JAKMIP1: variants seen among roughly 807,000 people sequenced by gnomAD.
JAKMIP1 encodes the protein janus kinase and microtubule-interacting protein 1.
In JAKMIP1, 33 loss-of-function variants were observed where a neutral mutation model predicts 113.0. That is an observed-to-expected ratio of 0.29 (90% confidence interval 0.22 to 0.39). The LOEUF is 0.39. JAKMIP1 is among the 10% of genes least tolerant of loss of function. JAKMIP1 has a pLI of 1.00. For missense variants in JAKMIP1, 813 were observed against 1,080.5 expected (o/e 0.75, Z 3.47); for synonymous variants, 480 against 459.9 (o/e 1.04, Z -0.56).
chr4:6,174,083 C>T (rs1463523521), intron 1 of JAKMIP1, among the ~76,000 whole-genome samples: 1 of 152,200 alleles, frequency 6.6e-6, no homozygotes, highest in Non-Finnish European at 1.5e-5. Flanking sequence ...TACATACATA[C>T]ATAAAATCAC....
chr4:6,196,193 G>C (rs1727810544), intron 1 of JAKMIP1, among the ~76,000 whole-genome samples: 2 of 152,176 alleles, frequency 1.3e-5, no homozygotes, highest in Admixed American at 1.3e-4. Context: ...TTTCCAGTAT[G>C]AGGTTGGTGC....
intron 1 of JAKMIP1, among the ~76,000 whole-genome samples, chr4:6,119,001 C>G (rs1020075046): frequency 2.6e-5 from 4 of 152,090 alleles, no homozygotes; most frequent in Non-Finnish European, 5.9e-5. Flanking sequence ...GAGGAGAAGC[C>G]CAAGCGAAGT....
rs984338315 is a variant in JAKMIP1, at chr4:6,199,828, G to A, written c.-148+425C>T. Reference sequence around the variant, plus strand: ...ACCCTGCGGAAGACACGGAGGGGACGGGCCGGCCACACCCCCCGCGCCACT... The same window carrying A: ...ACCCTGCGGAAGACACGGAGGGGACAGGCCGGCCACACCCCCCGCGCCACT... On this transcript the variant is annotated intron_variant, in intron 1 of 20. Coordinates refer to ENST00000409021, the MANE Select transcript of JAKMIP1 (RefSeq NM_001099433.2). This position sits in a 1 kb window ranked among gnomAD's most constrained non-coding sequence, Gnocchi z 5.6. Among the ~76,000 whole-genome samples, 1 of 151,634 alleles carries A rather than the reference G, an allele frequency of 6.6e-6. No individual in the cohort carries two copies. Among genetic ancestry groups the A allele is most frequent in the South Asian group, 2.1e-4 (1 of 4,816 alleles).
At chr4:6,073,018 G>A (rs1280264026) in intron 8 of JAKMIP1, among the ~76,000 whole-genome samples, 1 of 150,378 alleles carries the variant, frequency 6.6e-6, no homozygotes, top group African/African-American at 2.5e-5. Context: ...AGGTTGCCGT[G>A]AGCTGAGCTC....
Position 6,143,003 on chromosome 4 carries a change from G to A in JAKMIP1, c.-147-30006C>T, listed in dbSNP as rs763224434. ...TCAATATGAAAAGAAAAACTGCCTC[G>A]ATGCCTTCTGGGGGCAGCCTGGTGG... On this transcript the variant is annotated intron_variant, in intron 1 of 20. Coordinates refer to ENST00000409021, the MANE Select transcript of JAKMIP1 (RefSeq NM_001099433.2). This position sits in a 1 kb window ranked among gnomAD's most constrained non-coding sequence, Gnocchi z 4.9. 5.9e-5 allele frequency among the ~76,000 whole-genome samples: 9 copies of A among 152,026 alleles called. No homozygotes were observed. Among genetic ancestry groups the A allele is most frequent in the Non-Finnish European group, 8.8e-5 (6 of 68,018 alleles).
chr4:6,040,644 A>T lies in JAKMIP1; in HGVS notation c.2170T>A (p.Tyr724Asn). ...DYRKQALDQA[Y>N]LKIQDLEATL... is the part of the protein sequence containing the mutation. ...AAACCCACTTCTGGTCCTACCAGGTAAGCCTGGTCAAGGGCTTGCTTCCGG... is the reference window on the plus strand; with the variant it reads ...AAACCCACTTCTGGTCCTACCAGGTTAGCCTGGTCAAGGGCTTGCTTCCGG... The change falls in exon 18 of 21, where the codon TAC (tyrosine) becomes AAC (asparagine). Residue 724 changes from tyrosine to asparagine, a missense_variant. Around this residue, in one of 2 missense-constraint regions of JAKMIP1, gnomAD observed 273 missense variants for 426.6 expected, o/e 0.64. Coordinates refer to ENST00000409021, the MANE Select transcript of JAKMIP1 (RefSeq NM_001099433.2). The surrounding 1 kb of genome is among the most constrained non-coding windows in gnomAD (Gnocchi z 5.8). The T allele has an allele frequency of 1.2e-6, 2 of 1,610,514 alleles. No homozygotes were observed. The highest frequency in any genetic ancestry group is 4.5e-5 in the East Asian group (2 of 44,852).
chr4:6,036,177 T>C, intron 18 of JAKMIP1, 70 bp from the exon 19 acceptor site: 1 of 1,250,252 alleles, frequency 8.0e-7, no homozygotes, highest in African/African-American at 1.5e-5. Flanking sequence ...AGAAGGCTGC[T>C]GCCAGTGGAG....
chr4:6,184,325 C>G lies in JAKMIP1; in HGVS notation c.-148+15928G>C, dbSNP rs373854039. Among the ~76,000 whole-genome samples the G allele has an allele frequency of 6.4e-4, 98 of 152,270 alleles. 2 individuals carry two copies. In the East Asian group the frequency reaches 0.016, roughly 25 times the overall value. On this transcript the variant is annotated intron_variant, in intron 1 of 20. Coordinates refer to ENST00000409021, the MANE Select transcript of JAKMIP1 (RefSeq NM_001099433.2). The surrounding 1 kb of genome is among the most constrained non-coding windows in gnomAD (Gnocchi z 4.5). ...GAAGAACCGCTCCCAGGCACCACAG[C>G]CAGGAAGGGGGCATGCCTCGAACAC...
chr4:6,035,939 G>A lies in JAKMIP1; in HGVS notation c.2344C>T (p.Arg782Trp), dbSNP rs1323789211. ...TGCTGCAGCAGCTCCATGCGCTCCC[G>A]CAGGATCTGGCTGTCGAACTCGCGG... ...QSREFDSQIL[R>W]ERMELLQQAQ... The change falls in exon 19 of 21, where the codon CGG becomes TGG. Residue 782 changes from arginine (R) to tryptophan (W), a missense_variant. This residue lies in a region of JAKMIP1 where 273 missense variants were observed against 426.6 expected (regional missense o/e 0.64). Coordinates refer to ENST00000409021, the MANE Select transcript of JAKMIP1 (RefSeq NM_001099433.2). 1.9e-6 allele frequency: 3 copies of A among 1,551,222 alleles called. No individual in the cohort carries two copies. The highest frequency in any genetic ancestry group is 1.2e-5 in the South Asian group (1 of 84,058).
rs149913071 is a variant in JAKMIP1, at chr4:6,145,559, T to C, written c.-147-32562A>G. On this transcript the variant is annotated intron_variant, in intron 1 of 20. Transcript: ENST00000409021. ...GGTATATATTCAAAAGAATAAGAGCTGGGTCTTGAAGAGATATTTGTGCAC... is the reference window on the plus strand; with the variant it reads ...GGTATATATTCAAAAGAATAAGAGCCGGGTCTTGAAGAGATATTTGTGCAC... 2.7e-3 allele frequency among the ~76,000 whole-genome samples: 416 copies of C among 152,278 alleles called. 3 individuals are homozygous for C. The highest frequency in any genetic ancestry group is 9.7e-3 in the African/African-American group (403 of 41,548).
In JAKMIP1 at chr4:6,199,982, G is replaced by A. The variant is rs1160621740; in HGVS notation, c.-148+271C>T. 6.9e-6 allele frequency among the ~76,000 whole-genome samples: 1 copy of A among 144,232 alleles called. No individual in the cohort carries two copies. Among genetic ancestry groups the A allele is most frequent in the Non-Finnish European group, 1.5e-5 (1 of 65,414 alleles). 94.6% of individuals were successfully genotyped at this position (144,232 alleles called of 152,430 possible). On this transcript the variant is annotated intron_variant, in intron 1 of 20. Coordinates refer to ENST00000409021, the MANE Select transcript of JAKMIP1 (RefSeq NM_001099433.2). This position sits in a 1 kb window ranked among gnomAD's most constrained non-coding sequence, Gnocchi z 5.6. The stretch of plus-strand genomic sequence containing the variant: ...GCGGGACCGGGAGGGGGTGTTGGGG[G>A]AAGCGACGCAGCGGCTGGGAGATTT...
In JAKMIP1 at chr4:6,126,124, G is replaced by T. The variant is rs543397282; in HGVS notation, c.-147-13127C>A. On this transcript the variant is annotated intron_variant, in intron 1 of 20. Transcript: ENST00000409021. ...CACACACACAAACACACACCATGCA[G>T]AAACACACAAACACAAACACACACC... 6.8e-3 allele frequency among the ~76,000 whole-genome samples: 918 copies of T among 135,218 alleles called. 14 individuals carry two copies. The highest frequency in any genetic ancestry group is 0.025 in the African/African-American group (874 of 34,548). 88.7% of individuals were successfully genotyped at this position (135,218 alleles called of 152,430 possible).
In JAKMIP1 at chr4:6,105,960, T is replaced by C; in HGVS notation, c.137A>G (p.Lys46Arg). 1 of 1,591,586 alleles carries C rather than the reference T, an allele frequency of 6.3e-7. No homozygotes were observed. Among genetic ancestry groups the C allele is most frequent in the Non-Finnish European group, 8.6e-7 (1 of 1,168,278 alleles). The part of the protein sequence containing the change: ...EFQQEKSKVG[K>R]LRERLQEAKL... Reference sequence around the variant, plus strand: ...CGCCTCCTGCAGCCGCTCGCGCAGTTTGCCCACCTGCAGCCAGAGCGGCGA... The same window carrying C: ...CGCCTCCTGCAGCCGCTCGCGCAGTCTGCCCACCTGCAGCCAGAGCGGCGA... Residue 46 changes from lysine (K) to arginine (R), a missense_variant, in exon 3 of 21, where the codon AAA (lysine) becomes AGA (arginine). Physicochemically the swap from Lys to Arg is conservative, Grantham distance 26. Around this residue, in one of 2 missense-constraint regions of JAKMIP1, gnomAD observed 540 missense variants for 653.9 expected, o/e 0.83. Transcript: ENST00000409021.
In JAKMIP1 at chr4:6,105,656, C is replaced by A. The variant is rs755518009; in HGVS notation, c.441G>T (p.Glu147Asp). 1.9e-6 allele frequency: 3 copies of A among 1,600,578 alleles called. No individual in the cohort carries two copies. The Admixed American group carries it at 5.1e-5, about 27-fold the overall frequency. Residue 147 changes from glutamate to aspartate, a missense_variant, in exon 3 of 21, where the codon GAG (glutamate) becomes GAT (aspartate). Glu to Asp is a conservative substitution (Grantham distance 45). Around this residue, in one of 2 missense-constraint regions of JAKMIP1, gnomAD observed 540 missense variants for 653.9 expected, o/e 0.83. Coordinates refer to ENST00000409021, the MANE Select transcript of JAKMIP1 (RefSeq NM_001099433.2). ...REEARRAFDG[E>D]RLRLQQEILE... ...GGATCTCCTGCTGCAGCCGCAGGCG[C>A]TCTCCATCGAAGGCCCTGCGCGCCT...
At chr4:6,146,234 G>GA (rs1447670084) in intron 1 of JAKMIP1, among the ~76,000 whole-genome samples, 9 of 134,902 alleles carry the variant, frequency 6.7e-5, no homozygotes, top group African/African-American at 2.3e-4. Context: ...GGGGCTGGGG[G>GA]GAGGTTGCGG....
In JAKMIP1 at chr4:6,143,525, C is replaced by T. The variant is rs1360748778; in HGVS notation, c.-147-30528G>A. Among the ~76,000 whole-genome samples the T allele has an allele frequency of 6.6e-6, 1 of 152,218 alleles. No homozygotes were observed. Among genetic ancestry groups the T allele is most frequent in the Non-Finnish European group, 1.5e-5 (1 of 68,040 alleles). ...CCTGCTGGATCCGGCCTGGGTCCCA[C>T]CTGGCCTCTTTCAGTTATGCCTCCA... On this transcript the variant is annotated intron_variant, in intron 1 of 20. Coordinates refer to ENST00000409021, the MANE Select transcript of JAKMIP1 (RefSeq NM_001099433.2). The surrounding 1 kb of genome is among the most constrained non-coding windows in gnomAD (Gnocchi z 4.9).
rs1179983619 is a variant in JAKMIP1 at position 6,040,659 on chromosome 4, C to T, written c.2155G>A (p.Ala719Thr). 3 of 1,613,402 alleles carry T rather than the reference C, an allele frequency of 1.9e-6. No individual in the cohort carries two copies. The highest frequency in any genetic ancestry group is 1.7e-5 in the Admixed American group (1 of 59,910). Residue 719 changes from alanine (A) to threonine (T), a missense_variant, in exon 18 of 21, where the codon GCC (alanine) becomes ACC (threonine). Coordinates refer to ENST00000409021, the MANE Select transcript of JAKMIP1 (RefSeq NM_001099433.2). This position sits in a 1 kb window ranked among gnomAD's most constrained non-coding sequence, Gnocchi z 5.8. ...LEEELDYRKQ[A>T]LDQAYLKIQD... ...CCTACCAGGTAAGCCTGGTCAAGGG[C>T]TTGCTTCCGGTAGTCGAGCTCCTCT...
rs1463046333 is a variant in JAKMIP1, at chr4:6,176,337, C to T, written c.-148+23916G>A. ...GACAGTGTTTAGGCTGTGTCCTGGT[C>T]TGGTGGGGTATGAAGATCCCTGAGG... On this transcript the variant is annotated intron_variant, in intron 1 of 20. Coordinates refer to ENST00000409021, the MANE Select transcript of JAKMIP1 (RefSeq NM_001099433.2). The surrounding 1 kb of genome is among the most constrained non-coding windows in gnomAD (Gnocchi z 5.5). Among the ~76,000 whole-genome samples, 3 of 152,170 alleles carry T rather than the reference C, an allele frequency of 2.0e-5. No individual in the cohort carries two copies. Among genetic ancestry groups the T allele is most frequent in the African/African-American group, 7.2e-5 (3 of 41,436 alleles).
chr4:6,026,346 T>C, intron 20 of JAKMIP1, 68 bp from the exon 21 acceptor site: 2 of 808,892 alleles, frequency 2.5e-6, no homozygotes, highest in South Asian at 3.2e-5. Flanking sequence ...ATGTAAGATA[T>C]GTAGTATGGA....
Sources: gnomAD v4.1 joint callset for allele counts (sites outside exome capture counted in the v4.1 genomes callset) on GRCh38, gnomAD v4.1.1 for gene constraint, gnomAD v4.1.1 regional missense constraint, Gnocchi (gnomAD v3.1) non-coding constraint, MANE v1.5 for transcripts, NCBI Gene and HGNC (gene_info 2026-07-23, HGNC 2026-07-21) for gene names.